The following NLGN1 variants were observed in gnomAD, a reference collection of about 807,000 sequenced individuals.
NLGN1 encodes the protein neuroligin-1.
Under a neutral mutation model 65.5 loss-of-function variants are expected in NLGN1, and 12 were observed. The ratio of observed to expected loss-of-function variants is 0.18; its 90% CI spans 0.12 to 0.30. The LOEUF (loss-of-function observed/expected upper bound fraction) is 0.30, where lower values mean the gene tolerates loss of function less well. Ranked by LOEUF, NLGN1 falls within the 10% of genes least tolerant of loss-of-function variation. The probability of loss-of-function intolerance (pLI) is 1.00; values close to 1 mark genes in which losing one functional copy is unlikely to be tolerated. For missense variants in NLGN1, 750 were observed against 1,007.1 expected (o/e 0.74, Z 3.46); for synonymous variants, 350 against 359.5 (o/e 0.97, Z 0.30).
chr3:173,653,209 T>C (rs1759491349), intron 3 of NLGN1, among the ~76,000 whole-genome samples: 1 of 152,206 alleles, frequency 6.6e-6, no homozygotes, highest in East Asian at 1.9e-4. Flanking sequence ...AACTTCCTCT[T>C]TTCCGATTTG....
intron 1 of NLGN1, among the ~76,000 whole-genome samples, chr3:173,417,036 G>A (rs1344032434): frequency 2.6e-5 from 4 of 151,962 alleles, no homozygotes; most frequent in African/African-American, 9.7e-5. Context: ...GAAACCTCTT[G>A]AGAGTACAAA....
rs117448388 is a variant in NLGN1 at position 174,013,192 on chromosome 3, C to T, written c.646+205360C>T. Among the ~76,000 whole-genome samples, 27 of 152,210 alleles carry T rather than the reference C, an allele frequency of 1.8e-4. No homozygotes were observed. In the East Asian group the frequency reaches 5.0e-3, roughly 28 times the overall value. On this transcript the variant is annotated intron_variant, in intron 4 of 6. Transcript: ENST00000457714. ...CTTGAGTGAGTCCAATTTTTGGTTA[C>T]GGGTATTTTCTTTGAGTTGATAATA...
Position 173,696,569 on chromosome 3 carries a change from C to T in NLGN1, c.493+91478C>T, listed in dbSNP as rs1008333157. Among the ~76,000 whole-genome samples, 6 of 152,188 alleles carry T rather than the reference C, an allele frequency of 3.9e-5. No individual in the cohort carries two copies. In the East Asian group the frequency reaches 5.8e-4, roughly 15 times the overall value. On this transcript the variant is annotated intron_variant, in intron 3 of 6. Coordinates refer to ENST00000457714, the Ensembl canonical transcript of NLGN1. Reference sequence around the variant, plus strand: ...CATTGAAGAGTTATATGGTAAGCATCGTTGAGGAAGGAGTAGACTAAAATT... The same window carrying T: ...CATTGAAGAGTTATATGGTAAGCATTGTTGAGGAAGGAGTAGACTAAAATT...
At chr3:173,546,306 A>G (rs988059571) in intron 2 of NLGN1, among the ~76,000 whole-genome samples, 1 of 152,136 alleles carries the variant, frequency 6.6e-6, no homozygotes, top group African/African-American at 2.4e-5. Flanking sequence ...AATCAGCACT[A>G]ATTTTTGTAT....
chr3:173,444,447 T>G (rs1408630361), intron 2 of NLGN1, among the ~76,000 whole-genome samples: 1 of 152,226 alleles, frequency 6.6e-6, no homozygotes, highest in Non-Finnish European at 1.5e-5. Flanking sequence ...TTTCACCTTC[T>G]GCCATCTTTT....
intron 3 of NLGN1, among the ~76,000 whole-genome samples, chr3:173,633,931 C>T (rs1033826245): frequency 1.3e-5 from 2 of 152,078 alleles, no homozygotes; most frequent in Non-Finnish European, 2.9e-5. Context: ...AGCTTATACT[C>T]ACAACACTGT....
intron 4 of NLGN1, among the ~76,000 whole-genome samples, chr3:173,924,216 A>G (rs571897792): frequency 1.5e-4 from 23 of 152,148 alleles, no homozygotes; most frequent in Non-Finnish European, 2.8e-4. Context: ...TGAAAGAGAT[A>G]TATTAACAAT....
At chr3:173,797,679 TAA>T (rs1714409735) in intron 3 of NLGN1, among the ~76,000 whole-genome samples, 1 of 98,334 alleles carries the variant, frequency 1.0e-5, no homozygotes. Flanking sequence ...AAACAAAAAA[TAA>T]AACAACAACA....
At chr3:174,194,008 C>A (rs60148964) in intron 4 of NLGN1, among the ~76,000 whole-genome samples, 31,006 of 152,070 alleles carry the variant, frequency 0.2, 3,574 homozygotes, top group African/African-American at 0.3. Flanking sequence ...AACACCATAG[C>A]ATACCATTGC....
chr3:173,958,338 G>A (rs1012996968), intron 4 of NLGN1, among the ~76,000 whole-genome samples: 4 of 152,196 alleles, frequency 2.6e-5, no homozygotes, highest in African/African-American at 9.7e-5. Flanking sequence ...TGACAGAATA[G>A]CTCAGGAGGG....
At chr3:173,465,504 G>A (rs987727249) in intron 2 of NLGN1, among the ~76,000 whole-genome samples, 6 of 152,124 alleles carry the variant, frequency 3.9e-5, no homozygotes, top group African/African-American at 1.4e-4. Context: ...AATAAATTTG[G>A]TTTTAGCCAA....
intron 4 of NLGN1, among the ~76,000 whole-genome samples, chr3:173,900,015 A>G (rs552928320): frequency 1.3e-5 from 2 of 152,210 alleles, no homozygotes; most frequent in East Asian, 1.9e-4. Flanking sequence ...CCTTTCAATC[A>G]TCTCCAGCCA....
intron 3 of NLGN1, among the ~76,000 whole-genome samples, chr3:173,714,730 C>T (rs2149966883): frequency 6.6e-6 from 1 of 152,176 alleles, no homozygotes; most frequent in East Asian, 1.9e-4. Context: ...GAGGGAACTG[C>T]AGGTGCCCAG....
At chr3:173,514,747 A>C (rs1275953982) in intron 2 of NLGN1, among the ~76,000 whole-genome samples, 1 of 152,028 alleles carries the variant, frequency 6.6e-6, no homozygotes, top group Non-Finnish European at 1.5e-5. Flanking sequence ...ATGTAAGGGG[A>C]ATATTGTGGT....
At chr3:174,173,189 T>C (rs59682663) in intron 4 of NLGN1, among the ~76,000 whole-genome samples, 23,625 of 152,060 alleles carry the variant, frequency 0.16, 3,580 homozygotes, top group African/African-American at 0.4. Flanking sequence ...CTGAATGTGT[T>C]TATCAGCTCT....
intron 4 of NLGN1, among the ~76,000 whole-genome samples, chr3:173,930,541 C>T (rs1024784367): frequency 3.3e-5 from 5 of 152,028 alleles, no homozygotes; most frequent in Admixed American, 2.6e-4. Flanking sequence ...TAATGTAATA[C>T]AAGTAGGTGA....
chr3:173,871,483 A>G (rs1255336569), intron 4 of NLGN1, among the ~76,000 whole-genome samples: 1 of 152,202 alleles, frequency 6.6e-6, no homozygotes, highest in African/African-American at 2.4e-5. Context: ...TTCTTTTCCT[A>G]GGGCTTGGCA....
chr3:174,289,556 A>G (rs537949482), downstream of NLGN1, among the ~76,000 whole-genome samples: 114 of 151,328 alleles, frequency 7.5e-4, no homozygotes, highest in African/African-American at 2.7e-3. Context: ...TAAACTTTCT[A>G]TTTGGGAATT....
chr3:174,275,992 T>G (rs1750486541), intron 5 of NLGN1, among the ~76,000 whole-genome samples: 1 of 151,894 alleles, frequency 6.6e-6, no homozygotes, highest in African/African-American at 2.4e-5. Context: ...AAACATGTGA[T>G]TTCACTTGTT....
Sources: gnomAD v4.1 joint callset for allele counts (sites outside exome capture counted in the v4.1 genomes callset) on GRCh38, gnomAD v4.1.1 for gene constraint, MANE v1.5 for transcripts, NCBI Gene and HGNC (gene_info 2026-07-23, HGNC 2026-07-21) for gene names.